The following SCARB2 variants were observed in gnomAD, a reference collection of about 807,000 sequenced individuals.
SCARB2 encodes scavenger receptor class B member 2, also known as lysosome membrane protein 2.
Under a neutral mutation model 58.6 loss-of-function variants are expected in SCARB2, and 29 were observed. That is an observed-to-expected ratio of 0.49 (90% CI 0.37 to 0.67). The LOEUF (loss-of-function observed/expected upper bound fraction) is 0.67, where lower values mean the gene tolerates loss of function less well. Ranked by LOEUF, SCARB2 falls within the 30% of genes least tolerant of loss-of-function variation. The pLI is 0.00. For missense variants in SCARB2, 488 were observed against 578.5 expected (o/e 0.84, Z 1.60); for synonymous variants, 195 against 210.1 (o/e 0.93, Z 0.62).
chr4:76,179,740 C>T, intron 3 of SCARB2, 35 bp from the exon 4 acceptor site: 1 of 1,522,390 alleles, frequency 6.6e-7, no homozygotes, highest in Non-Finnish European at 9.1e-7. Flanking sequence ...CAGCAGCATC[C>T]CCTCCAAAGC....
intron 9 of SCARB2, among the ~76,000 whole-genome samples, chr4:76,167,731 G>GAGTGC (rs1385138972): frequency 2.3e-5 from 3 of 131,140 alleles, no homozygotes. Flanking sequence ...CGCCAGACTG[G>GAGTGC]AGTGCAGTGC....
At chr4:76,228,639 C>T (rs943740613) in intron 1 of SCARB2, among the ~76,000 whole-genome samples, 3 of 152,116 alleles carry the variant, frequency 2.0e-5, no homozygotes, top group Non-Finnish European at 4.4e-5. Flanking sequence ...CTATTCTTGG[C>T]TGCCAATTAT....
chr4:76,228,979 G>C (rs186442273), intron 1 of SCARB2, among the ~76,000 whole-genome samples: 49 of 152,154 alleles, frequency 3.2e-4, no homozygotes, highest in African/African-American at 1.1e-3. Flanking sequence ...ATTATTCTTA[G>C]GGTTGGCTGT....
chr4:76,202,587 C>T (rs1000280416), intron 1 of SCARB2, among the ~76,000 whole-genome samples: 4 of 152,134 alleles, frequency 2.6e-5, no homozygotes, highest in Non-Finnish European at 5.9e-5. Context: ...CAGGTAAATG[C>T]TACTCCATCC....
Position 76,179,518 on chromosome 4 carries a change from T to C in SCARB2, c.611A>G (p.Glu204Gly), listed in dbSNP as rs779744465. 4 of 1,611,914 alleles carry C rather than the reference T, an allele frequency of 2.5e-6. No homozygotes were observed. The African/African-American group carries it at 5.3e-5, about 22-fold the overall frequency. ...DISPYFGLFY[E>G]KNGTNDGDYV... ...TTCTGAAAAGAAAAATCTACTTACC[T>C]CATAGAATAGGCCAAAATAGGGAGA... Residue 204 changes from glutamate to glycine, a missense_variant and splice_region_variant, in exon 4 of 12, where the codon GAG becomes GGG. Coordinates refer to ENST00000264896, the MANE Select transcript of SCARB2 (RefSeq NM_005506.4).
At chr4:76,213,902 G>GGGGAGGC (rs1733138932), upstream of SCARB2, 1 of 166,346 alleles carries the variant, frequency 6.0e-6, no homozygotes, top group Admixed American at 6.5e-5. Flanking sequence ...GCGACTGCGC[G>GGGGAGGC]GGGAGGCGGG....
At chr4:76,167,391 A>G (rs1333424170) in intron 9 of SCARB2, among the ~76,000 whole-genome samples, 1 of 152,170 alleles carries the variant, frequency 6.6e-6, no homozygotes, top group African/African-American at 2.4e-5. Flanking sequence ...GTTTAGCACC[A>G]TTCGCTTGGT....
chr4:76,182,059 A>C (rs1732398346), intron 2 of SCARB2, among the ~76,000 whole-genome samples: 1 of 152,140 alleles, frequency 6.6e-6, no homozygotes, highest in Non-Finnish European at 1.5e-5. Context: ...TTATGCCAAA[A>C]ATTTATGATG....
chr4:76,189,521 C>T (rs1006029010), intron 2 of SCARB2, among the ~76,000 whole-genome samples: 30 of 151,432 alleles, frequency 2.0e-4, no homozygotes, highest in African/African-American at 7.4e-4. Flanking sequence ...CTTGCTCGGT[C>T]GCCCAGGCTG....
chr4:76,232,821 A>C (rs1156713671), intron 1 of SCARB2, among the ~76,000 whole-genome samples: 1 of 152,210 alleles, frequency 6.6e-6, no homozygotes, highest in Admixed American at 6.5e-5. Context: ...AATATGTTTA[A>C]AACATTTGAT....
chr4:76,175,732 G>C, intron 6 of SCARB2, 59 bp downstream of exon 6: 1 of 1,590,536 alleles, frequency 6.3e-7, no homozygotes, highest in Non-Finnish European at 8.6e-7. Context: ...TCATGCTTTT[G>C]GTGGTCTTGC....
intron 1 of SCARB2, among the ~76,000 whole-genome samples, chr4:76,207,126 A>G (rs1006487518): frequency 4.6e-5 from 7 of 152,244 alleles, no homozygotes; most frequent in Non-Finnish European, 8.8e-5. Flanking sequence ...GGCGCCCACA[A>G]GGTCAAAACT....
intron 2 of SCARB2, among the ~76,000 whole-genome samples, chr4:76,190,116 C>T (rs918969287): frequency 1.3e-5 from 2 of 151,802 alleles, no homozygotes; most frequent in Admixed American, 6.6e-5. Context: ...TCAAGCGATG[C>T]TCCCACCTCA....
At chr4:76,180,628 A>G (rs1436652448) in intron 3 of SCARB2, 1 of 162,130 alleles carries the variant, frequency 6.2e-6, no homozygotes, top group Non-Finnish European at 1.3e-5. Context: ...CAAGGGGCAA[A>G]TAAACATTTT....
At chr4:76,186,311 C>T (rs1732483733) in intron 2 of SCARB2, among the ~76,000 whole-genome samples, 1 of 152,128 alleles carries the variant, frequency 6.6e-6, no homozygotes, top group Admixed American at 6.5e-5. Context: ...AAAGCATTCC[C>T]ATGTGGGGAG....
upstream of SCARB2, among the ~76,000 whole-genome samples, chr4:76,215,571 T>A (rs1733191183): frequency 6.6e-6 from 1 of 152,162 alleles, no homozygotes; most frequent in Admixed American, 6.5e-5. Flanking sequence ...TTTGGGCAGG[T>A]TTTAGCAATT....
intron 2 of SCARB2, among the ~76,000 whole-genome samples, chr4:76,183,495 G>A (rs987885496): frequency 2.0e-5 from 3 of 152,200 alleles, no homozygotes; most frequent in Non-Finnish European, 4.4e-5. Flanking sequence ...ATATTACAAA[G>A]TATACAGATG....
At chr4:76,208,203 T>C (rs1254931409) in intron 1 of SCARB2, among the ~76,000 whole-genome samples, 2 of 152,202 alleles carry the variant, frequency 1.3e-5, no homozygotes, top group Non-Finnish European at 2.9e-5. Context: ...CTAGGGGCTA[T>C]GCTGACAACT....
chr4:76,215,171 G>A (rs138142271), upstream of SCARB2, among the ~76,000 whole-genome samples: 94 of 152,354 alleles, frequency 6.2e-4, 1 homozygote, highest in African/African-American at 2.1e-3. Context: ...GAGCTCAGCA[G>A]TTGAGGCGGA....
Sources: allele counts gnomAD v4.1 joint callset (sites outside exome capture counted in the v4.1 genomes callset), GRCh38; gene constraint gnomAD v4.1.1; transcripts MANE v1.5; gene names NCBI Gene and HGNC (gene_info 2026-07-23, HGNC 2026-07-21).